CTNNBL1: variants seen among roughly 807,000 people sequenced by gnomAD.
The protein encoded by CTNNBL1 is beta-catenin-like protein 1.
Under a neutral mutation model 72.7 loss-of-function variants are expected in CTNNBL1, and 31 were observed. The observed-to-expected ratio is 0.43, with a 90% CI of 0.32 to 0.58. The LOEUF (loss-of-function observed/expected upper bound fraction) is 0.58, where lower values mean the gene tolerates loss of function less well. Ranked by LOEUF, CTNNBL1 falls within the 20% of genes least tolerant of loss-of-function variation. The pLI, the probability that CTNNBL1 is intolerant of heterozygous loss-of-function variation, is 0.08. For missense variants in CTNNBL1, 534 were observed against 725.1 expected, an observed-to-expected ratio of 0.74 and a Z score of 3.03; for synonymous variants, 240 against 267.3, an observed-to-expected ratio of 0.90 and a Z score of 1.00.
intron 1 of CTNNBL1, among the ~76,000 whole-genome samples, chr20:37,721,108 G>A (rs570070754): frequency 1.3e-5 from 2 of 152,148 alleles, no homozygotes; most frequent in Non-Finnish European, 2.9e-5. Flanking sequence ...TAAGGCATCC[G>A]TTAATAACTG....
intron 11 of CTNNBL1, among the ~76,000 whole-genome samples, chr20:37,825,806 C>T (rs1298726533): frequency 3.3e-5 from 5 of 152,180 alleles, no homozygotes; most frequent in Admixed American, 6.5e-5. Context: ...TTCCTCAAGT[C>T]GCTGGTGCCC....
chr20:37,731,074 TTA>T (rs1259698426), intron 1 of CTNNBL1, among the ~76,000 whole-genome samples: 4 of 152,194 alleles, frequency 2.6e-5, no homozygotes, highest in African/African-American at 9.7e-5. Flanking sequence ...TCTGGAATGA[TTA>T]CATCAGGCTA....
chr20:37,839,470 A>G (rs1410221449), intron 11 of CTNNBL1, among the ~76,000 whole-genome samples: 8 of 152,340 alleles, frequency 5.3e-5, no homozygotes, highest in Admixed American at 4.6e-4. Context: ...ATACCCTTGA[A>G]TTACCCTCTT....
intron 11 of CTNNBL1, among the ~76,000 whole-genome samples, chr20:37,821,611 A>C (rs978854644): frequency 1.3e-5 from 2 of 152,216 alleles, no homozygotes; most frequent in African/African-American, 4.8e-5. Context: ...TTATAAAATC[A>C]ATGACTGATA....
At chr20:37,828,268 CAT>C (rs1424038416) in intron 11 of CTNNBL1, among the ~76,000 whole-genome samples, 1 of 152,200 alleles carries the variant, frequency 6.6e-6, no homozygotes, top group Non-Finnish European at 1.5e-5. Context: ...TAAGCTCTCA[CAT>C]GTGTTGCAGA....
At chr20:37,744,452 T>C (rs566237153) in intron 3 of CTNNBL1, among the ~76,000 whole-genome samples, 4 of 152,344 alleles carry the variant, frequency 2.6e-5, no homozygotes, top group East Asian at 1.9e-4. Flanking sequence ...TCTGAATGCC[T>C]GACAAAGGGG....
intron 14 of CTNNBL1, 117 bp downstream of exon 14, chr20:37,860,153 C>G: frequency 1.3e-6 from 2 of 1,482,598 alleles, no homozygotes; most frequent in Non-Finnish European, 1.9e-6. Context: ...AATTCCTTTA[C>G]TCTACATCAG....
chr20:37,700,470 G>A (rs534829438), intron 1 of CTNNBL1, among the ~76,000 whole-genome samples: 6 of 152,238 alleles, frequency 3.9e-5, no homozygotes, highest in East Asian at 1.9e-4. Context: ...GGCACTAAGC[G>A]CCTCAGTATA....
At chr20:37,863,789 G>T (rs1184284282) in intron 15 of CTNNBL1, among the ~76,000 whole-genome samples, 2 of 152,148 alleles carry the variant, frequency 1.3e-5, no homozygotes, top group South Asian at 4.1e-4. Flanking sequence ...GGAAATTTGA[G>T]GTCATCAGTG....
At chr20:37,777,744 A>C (rs1476453655) in intron 9 of CTNNBL1, 32 bp downstream of exon 9, 2 of 1,604,920 alleles carry the variant, frequency 1.2e-6, no homozygotes, top group Admixed American at 3.3e-5. Context: ...TGTCTGCTGT[A>C]AGATACATGG....
chr20:37,732,979 A>G lies in CTNNBL1; in HGVS notation c.131A>G (p.Glu44Gly). Residue 44 changes from glutamate (E) to glycine (G), a missense_variant, in exon 2 of 16, where the codon GAA (glutamate) becomes GGA (glycine). Coordinates refer to ENST00000361383, the MANE Select transcript of CTNNBL1 (RefSeq NM_030877.5). ...CGAGAACGCGGCCGCTATCGGGAAG[A>G]AGAAATGACTGTGGTGGAGGAAGCG... ...GTRERGRYRE[E>G]EMTVVEEADD... is the part of the protein sequence containing the mutation. 2 of 1,614,098 alleles carry G rather than the reference A, an allele frequency of 1.2e-6. No homozygotes were observed. The highest frequency in any genetic ancestry group is 1.7e-6 in the Non-Finnish European group (2 of 1,180,016).
chr20:37,762,060 G>T (rs1250133627), intron 5 of CTNNBL1, among the ~76,000 whole-genome samples: 1 of 152,162 alleles, frequency 6.6e-6, no homozygotes, highest in Non-Finnish European at 1.5e-5. Flanking sequence ...AAGCAGGGGA[G>T]TGGTGTCATA....
intron 1 of CTNNBL1, among the ~76,000 whole-genome samples, chr20:37,696,012 G>A (rs2072787892): frequency 1.3e-5 from 2 of 152,180 alleles, no homozygotes; most frequent in South Asian, 4.1e-4. Context: ...AAGATGAAGG[G>A]AAATAGGCAA....
intron 11 of CTNNBL1, among the ~76,000 whole-genome samples, chr20:37,804,227 C>T (rs2071932132): frequency 6.6e-6 from 1 of 152,120 alleles, no homozygotes. Context: ...CTAGATTTTC[C>T]CCACTGAAAA....
chr20:37,836,647 A>T (rs2235474), intron 11 of CTNNBL1, among the ~76,000 whole-genome samples: 65,726 of 151,998 alleles, frequency 0.43, 14,448 homozygotes, highest in Middle Eastern at 0.49. Context: ...TGTTTTCTTC[A>T]CTAAATGAGG....
At chr20:37,748,327 C>G (rs1341765567) in intron 4 of CTNNBL1, among the ~76,000 whole-genome samples, 1 of 152,194 alleles carries the variant, frequency 6.6e-6, no homozygotes, top group African/African-American at 2.4e-5. Flanking sequence ...TAGATAGCAT[C>G]AAGAATTGAT....
At chr20:37,740,877 C>G (rs1469884182) in intron 3 of CTNNBL1, among the ~76,000 whole-genome samples, 1 of 152,128 alleles carries the variant, frequency 6.6e-6, no homozygotes, top group African/African-American at 2.4e-5. Flanking sequence ...ACCCCGCTAC[C>G]CCATCCTGGG....
chr20:37,793,894 C>G (rs1485841742), intron 10 of CTNNBL1, among the ~76,000 whole-genome samples: 2 of 152,118 alleles, frequency 1.3e-5, no homozygotes, highest in African/African-American at 4.8e-5. Flanking sequence ...AATTCTCCTG[C>G]CTCAGCCTCC....
At chr20:37,736,272 T>C (rs2073170609) in intron 2 of CTNNBL1, among the ~76,000 whole-genome samples, 1 of 152,196 alleles carries the variant, frequency 6.6e-6, no homozygotes, top group Admixed American at 6.5e-5. Context: ...CAACCGTTCT[T>C]AGTTTACGCA....
Sources: allele counts gnomAD v4.1 joint callset (sites outside exome capture counted in the v4.1 genomes callset), GRCh38; gene constraint gnomAD v4.1.1; transcripts MANE v1.5; gene names NCBI Gene and HGNC (gene_info 2026-07-23, HGNC 2026-07-21).